MCPH1: variants seen among roughly 807,000 people sequenced by gnomAD.
MCPH1 encodes the protein microcephalin 1.
A neutral mutation model predicts 84.5 loss-of-function variants in MCPH1; 104 were observed. That is an observed-to-expected ratio of 1.23 (90% confidence interval 1.05 to 1.45). The LOEUF (loss-of-function observed/expected upper bound fraction) is 1.45. Among genes scored for constraint, MCPH1 ranks in the 40% most tolerant of loss-of-function variants. The probability of loss-of-function intolerance (pLI) is 0.00; values close to 1 mark genes in which losing one functional copy is unlikely to be tolerated. For synonymous variants in MCPH1, 514 were observed against 366.8 expected (o/e 1.40, Z -4.58); for missense variants, 1,498 against 1,005.7 (o/e 1.49, Z -6.62).
At chr8:6,466,453 G>A (rs949634185) in intron 9 of MCPH1, among the ~76,000 whole-genome samples, 2 of 151,166 alleles carry the variant, frequency 1.3e-5, no homozygotes, top group Non-Finnish European at 3.0e-5. Context: ...GAGTACAGGC[G>A]CGTGCCACCA....
Position 6,486,255 on chromosome 8 carries a change from A to G in MCPH1, c.2136+5379A>G, listed in dbSNP as rs370858049. ...TATATTATATACATTGACTTTGTGT[A>G]CAAGGAATCTCTCTCTCTCTCTCTC... is the stretch of plus-strand genomic sequence containing the variant. On this transcript the variant is annotated intron_variant, in intron 11 of 13. Coordinates refer to ENST00000344683, the MANE Select transcript of MCPH1 (RefSeq NM_024596.5). Among the ~76,000 whole-genome samples the G allele has an allele frequency of 4.7e-3, 626 of 131,946 alleles. 6 individuals carry two copies. The highest frequency in any genetic ancestry group is 0.017 in the African/African-American group (595 of 36,044). The allele number at this position is 131,946 out of a possible 152,430, so 86.6% of individuals were successfully genotyped here.
chr8:6,475,964 G>A (rs893277147), intron 9 of MCPH1, among the ~76,000 whole-genome samples: 4 of 152,162 alleles, frequency 2.6e-5, no homozygotes, highest in African/African-American at 9.7e-5. Context: ...ACTGGGGGTG[G>A]CAGGTGGAAG....
At chr8:6,515,553 T>C (rs571934583) in intron 12 of MCPH1, among the ~76,000 whole-genome samples, 1 of 152,348 alleles carries the variant, frequency 6.6e-6, no homozygotes, top group African/African-American at 2.4e-5. Flanking sequence ...ACAGAATTCT[T>C]TCTTAAGCTA....
Position 6,626,922 on chromosome 8 carries a change from A to C in MCPH1, c.2452+5231A>C, listed in dbSNP as rs1217375269. ...CCTTTTATTGTCTGGGCTCCATTCA[A>C]GTGATAAGACATACATTTATGCTAT... On this transcript the variant is annotated intron_variant, in intron 13 of 13. Coordinates refer to ENST00000344683, the MANE Select transcript of MCPH1 (RefSeq NM_024596.5). 4 of 985,164 alleles carry C rather than the reference A, an allele frequency of 4.1e-6. No individual in the cohort carries two copies. The African/African-American group carries it at 5.2e-5, about 13-fold the overall frequency. The allele number at this position is 985,164 out of a possible 1,614,324, so 61.0% of individuals were successfully genotyped here.
At chr8:6,543,063 CCT>C (rs1821899178) in intron 12 of MCPH1, among the ~76,000 whole-genome samples, 1 of 152,090 alleles carries the variant, frequency 6.6e-6, no homozygotes, top group Non-Finnish European at 1.5e-5. Context: ...CTGTGCGTGC[CCT>C]GCCGGGTCCC....
At chr8:6,637,324 T>C (rs1191723878) in intron 13 of MCPH1, among the ~76,000 whole-genome samples, 1 of 152,110 alleles carries the variant, frequency 6.6e-6, no homozygotes, top group African/African-American at 2.4e-5. Context: ...GGTAGGCCCC[T>C]TGCAGGTGAG....
Position 6,436,075 on chromosome 8 carries a change from A to G in MCPH1, c.349A>G (p.Asn117Asp). 6.2e-7 allele frequency: 1 copy of G among 1,613,862 alleles called. No homozygotes were observed. Among genetic ancestry groups the G allele is most frequent in the Non-Finnish European group, 8.5e-7 (1 of 1,179,842 alleles). ...KRKCMQPKDF[N>D]FKTPENDKRF... ...TAAATGTATGCAGCCCAAAGATTTT[A>G]ATTTTAAAACACCAGAAAATGATAA... Residue 117 changes from asparagine to aspartate, a missense_variant, in exon 5 of 14, where the codon AAT becomes GAT. By Grantham distance (23) the Asn-to-Asp change is conservative. Transcript: ENST00000344683.
At chr8:6,638,853 C>A (rs1192604789) in intron 13 of MCPH1, among the ~76,000 whole-genome samples, 1 of 152,172 alleles carries the variant, frequency 6.6e-6, no homozygotes, top group South Asian at 2.1e-4. Context: ...GTGAGGGGCT[C>A]CCTGGACATG....
Position 6,510,158 on chromosome 8 carries a change from CTTTTTT to C in MCPH1, c.2214+10237_2214+10242del, listed in dbSNP as rs11395431. On this transcript the variant is annotated intron_variant, in intron 12 of 13. Transcript: ENST00000344683. ...GACAATATTTTTGAGGTTGTTTTTT[CTTTTTT>C]TTTTTTTATTTTCCATAACTATGCT... Among the ~76,000 whole-genome samples the C allele has an allele frequency of 1.2e-3, 180 of 146,656 alleles. 1 individual carries two copies. Among genetic ancestry groups the C allele is most frequent in the Admixed American group, 3.8e-3 (56 of 14,678 alleles).
intron 6 of MCPH1, among the ~76,000 whole-genome samples, chr8:6,439,507 C>T (rs1037455807): frequency 6.6e-6 from 1 of 151,644 alleles, no homozygotes; most frequent in Non-Finnish European, 1.5e-5. Context: ...GCCTCAGCCT[C>T]CCGAGTAGCT....
chr8:6,633,968 C>T (rs537857049), intron 13 of MCPH1, among the ~76,000 whole-genome samples: 2 of 152,242 alleles, frequency 1.3e-5, no homozygotes, highest in South Asian at 2.1e-4. Flanking sequence ...AAGTGTGAAG[C>T]GTCTTACAGA....
At chr8:6,460,479 G>C (rs1563240917) in intron 9 of MCPH1, among the ~76,000 whole-genome samples, 1 of 151,976 alleles carries the variant, frequency 6.6e-6, no homozygotes. Context: ...TCCTCCCAGG[G>C]TACTGGGATT....
At chr8:6,414,915 A>C in intron 3 of MCPH1, 32 bp downstream of exon 3, 1 of 1,608,748 alleles carries the variant, frequency 6.2e-7, no homozygotes, top group Non-Finnish European at 8.5e-7. Flanking sequence ...TTTTTTCCTT[A>C]AGTATCTAGT....
At chr8:6,461,521 G>A (rs1333031165) in intron 9 of MCPH1, among the ~76,000 whole-genome samples, 2 of 147,128 alleles carry the variant, frequency 1.4e-5, no homozygotes, top group Non-Finnish European at 3.0e-5. Flanking sequence ...TTTTTAATTA[G>A]TAGAGACAGG....
At chr8:6,576,231 T>C (rs890477254) in intron 12 of MCPH1, among the ~76,000 whole-genome samples, 3 of 152,034 alleles carry the variant, frequency 2.0e-5, no homozygotes, top group African/African-American at 7.2e-5. Context: ...GCAGTAAAAG[T>C]GTTTCCTAGA....
At chr8:6,416,015 CT>C (rs768086503) in intron 3 of MCPH1, among the ~76,000 whole-genome samples, 40 of 152,218 alleles carry the variant, frequency 2.6e-4, no homozygotes, top group Non-Finnish European at 4.7e-4. Context: ...TTTTTACCCC[CT>C]AGGTTAAATT....
intron 4 of MCPH1, among the ~76,000 whole-genome samples, chr8:6,432,847 C>G (rs2916759): frequency 6.6e-6 from 1 of 152,236 alleles, no homozygotes; most frequent in African/African-American, 2.4e-5. Flanking sequence ...ATGCTAAAAT[C>G]AAGTGTTTAT....
chr8:6,465,398 C>T (rs1205333406), intron 9 of MCPH1, among the ~76,000 whole-genome samples: 1 of 152,232 alleles, frequency 6.6e-6, no homozygotes, highest in Non-Finnish European at 1.5e-5. Context: ...CTCCCACCAC[C>T]CCATGTCCAC....
chr8:6,505,188 A>ATG (rs1813059264), intron 12 of MCPH1, among the ~76,000 whole-genome samples: 1 of 143,176 alleles, frequency 7.0e-6, no homozygotes, highest in Non-Finnish European at 1.5e-5. Context: ...ATATATATAT[A>ATG]TATTCTTATG....
Sources: gnomAD v4.1 joint callset for allele counts (sites outside exome capture counted in the v4.1 genomes callset) on GRCh38, gnomAD v4.1.1 for gene constraint, MANE v1.5 for transcripts, NCBI Gene and HGNC (gene_info 2026-07-23, HGNC 2026-07-21) for gene names.